RAI14: variants seen among roughly 807,000 people sequenced by gnomAD.
RAI14 encodes the protein ankycorbin.
Under a neutral mutation model 115.4 loss-of-function variants are expected in RAI14, and 45 were observed. The observed-to-expected ratio is 0.39, with a 90% CI of 0.31 to 0.50. RAI14 has a LOEUF of 0.50. RAI14 is among the 20% of genes least tolerant of loss of function. The pLI is 0.85. For missense variants in RAI14, 939 were observed against 1,131.2 expected (o/e 0.83, Z 2.44); for synonymous variants, 371 against 415.4 (o/e 0.89, Z 1.30).
intron 2 of RAI14, among the ~76,000 whole-genome samples, chr5:34,733,573 A>T (rs1388523138): frequency 6.6e-6 from 1 of 152,200 alleles, no homozygotes; most frequent in Non-Finnish European, 1.5e-5. Flanking sequence ...AACTTGATTT[A>T]AATCTCTCTT....
chr5:34,663,664 A>G (rs1414964517), intron 1 of RAI14, among the ~76,000 whole-genome samples: 1 of 152,214 alleles, frequency 6.6e-6, no homozygotes, highest in Non-Finnish European at 1.5e-5. Context: ...TATCTGCCAC[A>G]CAGTAGGAGA....
intron 2 of RAI14, among the ~76,000 whole-genome samples, chr5:34,725,208 G>A (rs1743293881): frequency 6.6e-6 from 1 of 152,082 alleles, no homozygotes; most frequent in South Asian, 2.1e-4. Flanking sequence ...GAACAAAATT[G>A]ATGGGTAGTC....
intron 12 of RAI14, among the ~76,000 whole-genome samples, chr5:34,815,055 T>C (rs1756044014): frequency 6.6e-6 from 1 of 152,002 alleles, no homozygotes; most frequent in South Asian, 2.1e-4. Context: ...AAGACCAGCT[T>C]GGCCAACAAG....
chr5:34,830,554 AGG>A (rs1353228568), intron 17 of RAI14, 132 bp from the exon 18 acceptor site: 7 of 1,443,938 alleles, frequency 4.8e-6, no homozygotes, highest in Non-Finnish European at 6.4e-6. Context: ...GGGAAATGAT[AGG>A]GCTGACATTC....
chr5:34,798,128 C>T (rs1292047172), intron 4 of RAI14, among the ~76,000 whole-genome samples: 1 of 152,138 alleles, frequency 6.6e-6, no homozygotes, highest in Non-Finnish European at 1.5e-5. Flanking sequence ...CTCCGCATCC[C>T]AGGTTCAAGT....
intron 2 of RAI14, among the ~76,000 whole-genome samples, chr5:34,702,658 GCCACT>G (rs1303540089): frequency 6.6e-6 from 1 of 152,176 alleles, no homozygotes; most frequent in Non-Finnish European, 1.5e-5. Flanking sequence ...GCTCGGGTTG[GCCACT>G]GTTATAATTT....
At chr5:34,822,829 G>A (rs1757030246) in intron 14 of RAI14, 127 bp from the exon 15 acceptor site, 8 of 760,728 alleles carry the variant, frequency 1.1e-5, no homozygotes, top group Middle Eastern at 6.4e-4. Context: ...GATCACAGGC[G>A]CCCGCCACCA....
intron 1 of RAI14, among the ~76,000 whole-genome samples, chr5:34,660,835 T>C (rs1034468101): frequency 2.6e-5 from 4 of 151,892 alleles, no homozygotes; most frequent in African/African-American, 9.7e-5. Context: ...GCAATCATCA[T>C]GCTCGTGAAT....
At chr5:34,808,449 T>C (rs1357311479) in intron 6 of RAI14, 135 bp from the exon 7 acceptor site, 2 of 794,094 alleles carry the variant, frequency 2.5e-6, no homozygotes, top group Non-Finnish European at 4.1e-6. Flanking sequence ...CCTAATACCA[T>C]TTCTCTTCAA....
At chr5:34,819,649 A>G (rs115857400) in intron 13 of RAI14, among the ~76,000 whole-genome samples, 230 of 152,350 alleles carry the variant, frequency 1.5e-3, no homozygotes, top group African/African-American at 5.2e-3. Flanking sequence ...TTTAAAATGT[A>G]GAAGAGACAA....
At chr5:34,665,370 T>G (rs1255267635) in intron 1 of RAI14, among the ~76,000 whole-genome samples, 2 of 150,720 alleles carry the variant, frequency 1.3e-5, no homozygotes, top group African/African-American at 2.4e-5. Flanking sequence ...TCCAGTTCCT[T>G]TTGCTGGCTG....
At chr5:34,724,783 T>C (rs1402620680) in intron 2 of RAI14, among the ~76,000 whole-genome samples, 1 of 152,248 alleles carries the variant, frequency 6.6e-6, no homozygotes, top group Non-Finnish European at 1.5e-5. Flanking sequence ...ACCGTGGGAA[T>C]TCTTGCTTGA....
rs1482005775 is a variant in RAI14, at chr5:34,823,185, C to T, written c.1343C>T (p.Ser448Phe). Residue 448 changes from serine to phenylalanine, a missense_variant, in exon 15 of 18, where the codon TCT (serine) becomes TTT (phenylalanine). Physicochemically the swap from Ser to Phe is radical, Grantham distance 155 (BLOSUM62 -2). Transcript: ENST00000265109. The surrounding 1 kb of genome is among the most constrained non-coding windows in gnomAD (Gnocchi z 4.5). ...GATCTACAGAAGAGATTAGAGAGCT[C>T]TGAAGCAGAGAGAAAACAGCTACAG... The part of the protein sequence containing the change: ...LQDLQKRLES[S>F]EAERKQLQVE... The T allele has an allele frequency of 1.2e-6, 2 of 1,613,802 alleles. No homozygotes were observed. Among genetic ancestry groups the T allele is most frequent in the Non-Finnish European group, 1.7e-6 (2 of 1,179,812 alleles).
At chr5:34,745,266 G>A (rs1034717724) in intron 2 of RAI14, among the ~76,000 whole-genome samples, 2 of 152,160 alleles carry the variant, frequency 1.3e-5, no homozygotes, top group African/African-American at 4.8e-5. Flanking sequence ...ATCACAAGAA[G>A]CCACTTTGTC....
In RAI14 at chr5:34,725,962, C is replaced by CAAAAAAAAAAAAAAAAA; in HGVS notation, c.37-31490_37-31489insAAAAAAAAAAAAAAAAA. ...GGGCAACAGGAGCGAAACTGCTTCT[C>CAAAAAAAAAAAAAAAAA]AAAAAAAAAAAAAAAAGCCACAAAT... On this transcript the variant is annotated intron_variant, in intron 2 of 17. Coordinates refer to ENST00000265109, the MANE Select transcript of RAI14 (RefSeq NM_015577.3). Among the ~76,000 whole-genome samples the CAAAAAAAAAAAAAAAAA allele has an allele frequency of 1.8e-5, 2 of 113,742 alleles. 1 individual carries two copies. 74.6% of individuals were successfully genotyped at this position (113,742 alleles called of 152,430 possible). A position where few individuals can be genotyped will look rare whatever the true frequency, so the allele number is the denominator to read the frequency against.
intron 1 of RAI14, among the ~76,000 whole-genome samples, chr5:34,667,749 T>A (rs1743326467): frequency 6.6e-6 from 1 of 152,066 alleles, no homozygotes; most frequent in Non-Finnish European, 1.5e-5. Flanking sequence ...AATTGGGAGT[T>A]CCAGGGGAGG....
At chr5:34,677,430 C>T (rs1309243817) in intron 1 of RAI14, among the ~76,000 whole-genome samples, 3 of 151,870 alleles carry the variant, frequency 2.0e-5, no homozygotes, top group Admixed American at 1.3e-4. Flanking sequence ...GGATTACAGG[C>T]GTGAGCCACC....
At chr5:34,767,345 G>T (rs987544487) in intron 3 of RAI14, among the ~76,000 whole-genome samples, 1 of 152,110 alleles carries the variant, frequency 6.6e-6, no homozygotes, top group Non-Finnish European at 1.5e-5. Context: ...AACGTAGTTG[G>T]CTGTGATAGA....
rs1757264060 is a variant in RAI14, at chr5:34,824,734, A to G, written c.2649+243A>G. Among the ~76,000 whole-genome samples the G allele has an allele frequency of 3.3e-5, 5 of 152,254 alleles. No individual in the cohort carries two copies. In the East Asian group the frequency reaches 9.7e-4, roughly 29 times the overall value. ...CGAGGTGGGTGGATCACTTGAGGTC[A>G]GGAGTTCAAGACCAGCCTGGCCAAC... On this transcript the variant is annotated intron_variant, in intron 15 of 17. Coordinates refer to ENST00000265109, the MANE Select transcript of RAI14 (RefSeq NM_015577.3).
Sources: allele counts gnomAD v4.1 joint callset (sites outside exome capture counted in the v4.1 genomes callset), GRCh38; gene constraint gnomAD v4.1.1; non-coding constraint Gnocchi (gnomAD v3.1); transcripts MANE v1.5; gene names NCBI Gene and HGNC (gene_info 2026-07-23, HGNC 2026-07-21).